The following SKAP1 variants were observed in gnomAD, a reference collection of about 807,000 sequenced individuals.
SKAP1 encodes the protein src kinase-associated phosphoprotein 1.
A neutral mutation model predicts 58.5 loss-of-function variants in SKAP1; 44 were observed. The ratio of observed to expected loss-of-function variants is 0.75; its 90% CI spans 0.59 to 0.97. The LOEUF (loss-of-function observed/expected upper bound fraction) is 0.97. SKAP1 is among the 50% of genes least tolerant of loss of function. The probability of loss-of-function intolerance (pLI) is 0.00; values close to 1 mark genes in which losing one functional copy is unlikely to be tolerated. For missense variants in SKAP1, 390 were observed against 435.2 expected (o/e 0.90, Z 0.92); for synonymous variants, 127 against 149.7 (o/e 0.85, Z 1.11).
the SKAP1 span, among the ~76,000 whole-genome samples, chr17:48,435,554 A>C: frequency 2.6e-5 from 4 of 152,242 alleles, no homozygotes; most frequent in African/African-American, 9.6e-5. Context: ...AGCTGGAAGA[A>C]ATAGTCTTTT....
At chr17:48,440,410 G>A in the SKAP1 span, among the ~76,000 whole-genome samples, 1 of 152,186 alleles carries the variant, frequency 6.6e-6, no homozygotes. Context: ...TGGGACAACA[G>A]TCATATCAAT....
intron 3 of SKAP1, among the ~76,000 whole-genome samples, chr17:48,362,276 T>C (rs554333092): frequency 1.7e-4 from 26 of 152,336 alleles, no homozygotes; most frequent in Non-Finnish European, 3.5e-4. Context: ...TTTGTCTTTT[T>C]TAGTCCCATA....
chr17:48,182,436 C>T lies in SKAP1; in HGVS notation c.589G>A (p.Glu197Lys). 1 of 1,609,936 alleles carries T rather than the reference C, an allele frequency of 6.2e-7. No homozygotes were observed. The highest frequency in any genetic ancestry group is 1.1e-5 in the South Asian group (1 of 90,480). ...SYEFTATSPA[E>K]ARDWVDQISF... The stretch of plus-strand genomic sequence containing the variant: ...ATTTGATCCACCCAGTCTCTGGCTT[C>T]TGCTGGACTAGTAGCTGTAAACTAG... Residue 197 changes from glutamate to lysine, a missense_variant, in exon 8 of 13, where the codon GAA becomes AAA. Physicochemically the swap from Glu to Lys is moderately conservative, Grantham distance 56. Transcript: ENST00000336915.
chr17:48,296,747 AAAG>A (rs895225156), intron 4 of SKAP1, among the ~76,000 whole-genome samples: 4 of 152,152 alleles, frequency 2.6e-5, no homozygotes, highest in African/African-American at 9.7e-5. Context: ...GTCTTGGGAA[AAAG>A]TGATAACTTC....
chr17:48,391,308 T>C (rs2067342529), intron 2 of SKAP1, among the ~76,000 whole-genome samples: 2 of 152,162 alleles, frequency 1.3e-5, no homozygotes, highest in South Asian at 4.1e-4. Context: ...GATAAAATTA[T>C]AAGGAGAGTT....
intron 1 of SKAP1, among the ~76,000 whole-genome samples, chr17:48,414,949 T>C (rs568956497): frequency 1.3e-5 from 2 of 152,352 alleles, no homozygotes; most frequent in African/African-American, 4.8e-5. Context: ...GGTCATATTT[T>C]TCAAACTACT....
chr17:48,187,299 C>A (rs549314924), intron 6 of SKAP1, among the ~76,000 whole-genome samples: 5 of 152,190 alleles, frequency 3.3e-5, no homozygotes, highest in Non-Finnish European at 7.3e-5. Context: ...CACTTCACTG[C>A]TGCTGTCATC....
chr17:48,349,230 C>T lies in SKAP1; in HGVS notation c.179-3224G>A, dbSNP rs144783935. ...CATTTTTCTTTAAAACATAACTGTA[C>T]GTGTTCTCTGGATTTGTCTATAGCT... is the stretch of plus-strand genomic sequence containing the variant. On this transcript the variant is annotated intron_variant, in intron 3 of 12. Coordinates refer to ENST00000336915, the MANE Select transcript of SKAP1 (RefSeq NM_003726.4). 5.1e-4 allele frequency among the ~76,000 whole-genome samples: 78 copies of T among 152,274 alleles called. 1 individual carries two copies. The highest frequency in any genetic ancestry group is 1.3e-3 in the Admixed American group (20 of 15,292).
chr17:48,395,579 T>C (rs956675003), intron 2 of SKAP1, among the ~76,000 whole-genome samples: 6 of 152,156 alleles, frequency 3.9e-5, no homozygotes, highest in Non-Finnish European at 7.4e-5. Flanking sequence ...AATAACATTA[T>C]GGAGAACTTT....
intron 4 of SKAP1, among the ~76,000 whole-genome samples, chr17:48,257,967 G>C (rs1187346242): frequency 1.3e-5 from 2 of 151,974 alleles, no homozygotes; most frequent in Non-Finnish European, 2.9e-5. Flanking sequence ...TGAGAAAAGC[G>C]ACCCAACATT....
chr17:48,292,145 AAG>A (rs1555612179), intron 4 of SKAP1, among the ~76,000 whole-genome samples: 3,512 of 141,356 alleles, frequency 0.025, 39 homozygotes, highest in Middle Eastern at 0.058. Flanking sequence ...AAAAAAAAAA[AAG>A]AAAGAAAGAA....
chr17:48,342,829 CA>C (rs1374800782), intron 4 of SKAP1, among the ~76,000 whole-genome samples: 4 of 151,898 alleles, frequency 2.6e-5, no homozygotes, highest in African/African-American at 9.7e-5. Flanking sequence ...ACTAAAAATA[CA>C]AAAAATTAGC....
At chr17:48,239,829 T>TGAGAGA (rs143281552) in intron 4 of SKAP1, among the ~76,000 whole-genome samples, 7 of 138,722 alleles carry the variant, frequency 5.0e-5, no homozygotes, top group South Asian at 2.4e-4. Context: ...GTAATTAGAA[T>TGAGAGA]GAGAGAGAGA....
Position 48,323,742 on chromosome 17 carries a change from AT to A in SKAP1, c.280+22162del, listed in dbSNP as rs1247224988. On this transcript the variant is annotated intron_variant, in intron 4 of 12. Transcript: ENST00000336915. ...AAAAAAGAACATAACGAAGAGGGAG[AT>A]ACATAGGAAGGCCTGGACAAAAAAG... is the stretch of plus-strand genomic sequence containing the variant. Among the ~76,000 whole-genome samples the A allele has an allele frequency of 1.3e-5, 2 of 152,022 alleles. 1 individual carries two copies. The highest frequency in any genetic ancestry group is 2.9e-5 in the Non-Finnish European group (2 of 67,980).
chr17:48,342,840 C>T (rs775239070), intron 4 of SKAP1, among the ~76,000 whole-genome samples: 36 of 152,082 alleles, frequency 2.4e-4, no homozygotes, highest in Non-Finnish European at 1.5e-4. Flanking sequence ...AAAAAATTAG[C>T]CAGGCGCGGT....
At chr17:48,152,548 C>T (rs953697305) in intron 11 of SKAP1, among the ~76,000 whole-genome samples, 4 of 152,002 alleles carry the variant, frequency 2.6e-5, no homozygotes, top group African/African-American at 7.3e-5. Context: ...ATAATACTGG[C>T]GGTGGGAAAT....
intron 4 of SKAP1, among the ~76,000 whole-genome samples, chr17:48,270,558 GTC>G (rs2065615887): frequency 6.6e-6 from 1 of 151,988 alleles, no homozygotes; most frequent in African/African-American, 2.4e-5. Flanking sequence ...GGCCAGGCTG[GTC>G]TCGATCTCCT....
chr17:48,164,097 G>A (rs1375397829), intron 10 of SKAP1, among the ~76,000 whole-genome samples: 2 of 152,182 alleles, frequency 1.3e-5, no homozygotes, highest in Admixed American at 1.3e-4. Flanking sequence ...GGAGAAATAT[G>A]TTAGTTATTG....
chr17:48,139,470 C>G (rs1452314478), intron 11 of SKAP1, among the ~76,000 whole-genome samples: 1 of 151,530 alleles, frequency 6.6e-6, no homozygotes, highest in African/African-American at 2.4e-5. Flanking sequence ...TATGAGCCAC[C>G]GTGCCTGGCC....
Sources: allele counts gnomAD v4.1 joint callset (sites outside exome capture counted in the v4.1 genomes callset), GRCh38; gene constraint gnomAD v4.1.1; transcripts MANE v1.5; gene names NCBI Gene and HGNC (gene_info 2026-07-23, HGNC 2026-07-21).